SERPINB12: variants seen among roughly 807,000 people sequenced by gnomAD.
The protein encoded by SERPINB12 is serpin family B member 12.
A neutral mutation model predicts 41.1 loss-of-function variants in SERPINB12; 57 were observed. The ratio of observed to expected loss-of-function variants is 1.39; its 90% CI spans 1.12 to 1.73. SERPINB12 has a LOEUF of 1.73. SERPINB12 is among the 40% of genes most tolerant of loss of function. The pLI is 0.00. For missense variants in SERPINB12, 536 were observed against 501.9 expected (o/e 1.07, Z -0.65); for synonymous variants, 180 against 181.3 (o/e 0.99, Z 0.06).
At chr18:63,550,558 G>A (rs180930858) in intron 1 of SERPINB12, among the ~76,000 whole-genome samples, 1 of 152,162 alleles carries the variant, frequency 6.6e-6, no homozygotes, top group East Asian at 1.9e-4. Flanking sequence ...TAATACATAA[G>A]TGCATAAGAA....
chr18:63,548,898 A>G (rs1910453864), intron 1 of SERPINB12, among the ~76,000 whole-genome samples: 1 of 152,134 alleles, frequency 6.6e-6, no homozygotes, highest in African/African-American at 2.4e-5. Context: ...TTTGACCTAG[A>G]AATCCCATGT....
In SERPINB12 at chr18:63,568,834, A is replaced by G. The variant is rs552777165; in HGVS notation, c.*1823A>G. ...CTTTGTGCTCTGAGAGACAAGTTCC[A>G]TGTTCTCCATACAACCTTCTCATTG... On this transcript the variant is annotated 3_prime_UTR_variant, in exon 8 of 8. Coordinates refer to ENST00000382768, the MANE Select transcript of SERPINB12 (RefSeq NM_001307928.2). Among the ~76,000 whole-genome samples the G allele has an allele frequency of 1.5e-4, 23 of 152,286 alleles. No individual in the cohort carries two copies. The highest frequency in any genetic ancestry group is 5.3e-4 in the African/African-American group (22 of 41,554).
intron 1 of SERPINB12, among the ~76,000 whole-genome samples, chr18:63,548,342 A>G (rs1307286303): frequency 2.6e-5 from 4 of 152,144 alleles, no homozygotes; most frequent in Non-Finnish European, 5.9e-5. Flanking sequence ...AAAGCTAACA[A>G]TGTAAGTTAA....
intron 4 of SERPINB12, among the ~76,000 whole-genome samples, chr18:63,560,473 C>G (rs56772049): frequency 6.6e-6 from 1 of 152,094 alleles, no homozygotes; most frequent in Non-Finnish European, 1.5e-5. Context: ...TAAAAACTAG[C>G]CTTTTGATGA....
chr18:63,537,614 G>A (rs187354727), upstream of SERPINB12, among the ~76,000 whole-genome samples: 2 of 152,216 alleles, frequency 1.3e-5, no homozygotes, highest in African/African-American at 4.8e-5. Flanking sequence ...GTTATTGGAA[G>A]CTTGGGAGAT....
the SERPINB12 span, among the ~76,000 whole-genome samples, chr18:63,521,054 A>C: frequency 2.0e-5 from 3 of 152,208 alleles, no homozygotes; most frequent in African/African-American, 7.2e-5. Context: ...GGGTGGCATC[A>C]GTCCAATGTT....
the SERPINB12 span, among the ~76,000 whole-genome samples, chr18:63,520,691 A>G: frequency 6.6e-6 from 1 of 152,212 alleles, no homozygotes; most frequent in Non-Finnish European, 1.5e-5. Context: ...GAAAATGTAG[A>G]GAAGTTTGAT....
At chr18:63,558,043 A>T (rs940941361) in intron 2 of SERPINB12, among the ~76,000 whole-genome samples, 1 of 152,068 alleles carries the variant, frequency 6.6e-6, no homozygotes, top group Non-Finnish European at 1.5e-5. Flanking sequence ...TGTATTTTGC[A>T]CTTACAGTCA....
At chr18:63,525,111 G>A in the SERPINB12 span, among the ~76,000 whole-genome samples, 1 of 152,036 alleles carries the variant, frequency 6.6e-6, no homozygotes, top group South Asian at 2.1e-4. Flanking sequence ...TATTTTCACA[G>A]CTATAATTTT....
upstream of SERPINB12, among the ~76,000 whole-genome samples, chr18:63,537,730 G>T (rs1910201862): frequency 1.3e-5 from 2 of 152,078 alleles, no homozygotes; most frequent in Non-Finnish European, 2.9e-5. Flanking sequence ...AATCCCTCTT[G>T]TTCATGGTTT....
At chr18:63,544,736 A>G (rs1035391409) in intron 1 of SERPINB12, among the ~76,000 whole-genome samples, 1 of 152,088 alleles carries the variant, frequency 6.6e-6, no homozygotes, top group African/African-American at 2.4e-5. Flanking sequence ...TTTGTGTTTT[A>G]GTCTTTATTG....
intron 1 of SERPINB12, among the ~76,000 whole-genome samples, chr18:63,555,607 G>A (rs894320435): frequency 2.0e-5 from 3 of 152,192 alleles, no homozygotes; most frequent in Non-Finnish European, 4.4e-5. Flanking sequence ...TACTGGCTTA[G>A]GATGGGCTCT....
At chr18:63,552,226 C>T (rs73961718) in intron 1 of SERPINB12, among the ~76,000 whole-genome samples, 9 of 152,106 alleles carry the variant, frequency 5.9e-5, no homozygotes, top group African/African-American at 2.2e-4. Flanking sequence ...AATTCAGATA[C>T]GACAAATGTA....
chr18:63,543,111 A>G (rs1221120630), intron 1 of SERPINB12, among the ~76,000 whole-genome samples: 2 of 152,170 alleles, frequency 1.3e-5, no homozygotes, highest in Non-Finnish European at 2.9e-5. Context: ...CTTATTTGTC[A>G]TATTGGGATA....
chr18:63,548,510 A>G (rs1027115127), intron 1 of SERPINB12, among the ~76,000 whole-genome samples: 1 of 152,094 alleles, frequency 6.6e-6, no homozygotes, highest in Non-Finnish European at 1.5e-5. Context: ...AAACAATTCT[A>G]TAATAACAAT....
At chr18:63,538,427 A>G (rs1240925573), upstream of SERPINB12, among the ~76,000 whole-genome samples, 3 of 152,100 alleles carry the variant, frequency 2.0e-5, no homozygotes, top group African/African-American at 7.2e-5. Flanking sequence ...TATTCATGTA[A>G]ATGAGATTGT....
the SERPINB12 span, among the ~76,000 whole-genome samples, chr18:63,520,942 T>G: frequency 6.6e-6 from 1 of 152,252 alleles, no homozygotes; most frequent in Admixed American, 6.5e-5. Context: ...ACTGTGTGTA[T>G]TCAAAGAGGT....
At chr18:63,563,478 G>T (rs1028851700) in intron 5 of SERPINB12, among the ~76,000 whole-genome samples, 12 of 152,208 alleles carry the variant, frequency 7.9e-5, no homozygotes, top group Non-Finnish European at 1.8e-4. Context: ...GCGAGGTGGA[G>T]TTAGAGGGTT....
chr18:63,519,756 T>C, the SERPINB12 span, among the ~76,000 whole-genome samples: 2 of 152,196 alleles, frequency 1.3e-5, no homozygotes, highest in East Asian at 3.9e-4. Context: ...CTAGGAGTCC[T>C]AAAAATTTCA....
Sources: allele counts gnomAD v4.1 joint callset (sites outside exome capture counted in the v4.1 genomes callset), GRCh38; gene constraint gnomAD v4.1.1; transcripts MANE v1.5; gene names NCBI Gene and HGNC (gene_info 2026-07-23, HGNC 2026-07-21).